Variants in SH3RF3 observed in about 807,000 individuals in gnomAD.
The protein encoded by SH3RF3 is SH3 domain containing ring finger 3.
In SH3RF3, 29 loss-of-function variants were observed where a neutral mutation model predicts 66.3. The ratio of observed to expected loss-of-function variants is 0.44; its 90% CI spans 0.33 to 0.60. The LOEUF is 0.60. SH3RF3 is among the 20% of genes least tolerant of loss of function. The pLI is 0.04. For missense variants in SH3RF3, 1,194 were observed against 1,190.9 expected (o/e 1.00, Z -0.04); for synonymous variants, 583 against 532.0 (o/e 1.10, Z -1.32).
At chr2:109,362,424 G>C (rs936624834) in intron 2 of SH3RF3, among the ~76,000 whole-genome samples, 1 of 152,144 alleles carries the variant, frequency 6.6e-6, no homozygotes, top group South Asian at 2.1e-4. Flanking sequence ...TGGCCTGAGA[G>C]TAGACATTGT....
At chr2:109,468,856 A>G (rs947144807) in intron 8 of SH3RF3, among the ~76,000 whole-genome samples, 4 of 101,274 alleles carry the variant, frequency 3.9e-5, no homozygotes, top group Admixed American at 8.6e-5. Flanking sequence ...TCTGTCTCAG[A>G]AAAAAAAAAA....
chr2:109,181,298 A>T (rs1678068530), intron 1 of SH3RF3, among the ~76,000 whole-genome samples: 1 of 152,210 alleles, frequency 6.6e-6, no homozygotes, highest in African/African-American at 2.4e-5. Context: ...TTATGCTACC[A>T]TGGTACATTT....
At chr2:109,271,942 G>T (rs1191953764) in intron 1 of SH3RF3, among the ~76,000 whole-genome samples, 1 of 152,222 alleles carries the variant, frequency 6.6e-6, no homozygotes, top group African/African-American at 2.4e-5. Context: ...CCTCCTTTGT[G>T]TGTGTTCTTT....
chr2:109,453,320 G>T (rs1300223859), intron 8 of SH3RF3, among the ~76,000 whole-genome samples: 1 of 151,418 alleles, frequency 6.6e-6, no homozygotes, highest in African/African-American at 2.5e-5. Context: ...TTACACAGTA[G>T]AACTCAAATC....
chr2:109,392,809 A>C (rs950118365), intron 3 of SH3RF3, among the ~76,000 whole-genome samples: 1 of 151,840 alleles, frequency 6.6e-6, no homozygotes, highest in Non-Finnish European at 1.5e-5. Context: ...GCCACCACGC[A>C]CGGCCCCCTG....
intron 8 of SH3RF3, among the ~76,000 whole-genome samples, chr2:109,470,297 C>T (rs745808089): frequency 6.6e-6 from 1 of 152,162 alleles, no homozygotes; most frequent in African/African-American, 2.4e-5. Flanking sequence ...GCTCTAGCCA[C>T]ATGTGAAATC....
chr2:109,267,590 G>A (rs918730780), intron 1 of SH3RF3, among the ~76,000 whole-genome samples: 6 of 152,164 alleles, frequency 3.9e-5, no homozygotes, highest in Admixed American at 2.6e-4. Context: ...CCCGAGTGCC[G>A]GCTGTGATGG....
At chr2:109,454,794 G>A (rs908619929) in intron 8 of SH3RF3, among the ~76,000 whole-genome samples, 77 of 152,008 alleles carry the variant, frequency 5.1e-4, no homozygotes, top group Non-Finnish European at 6.3e-4. Context: ...AAAACATCTC[G>A]AAGCCTTAGG....
chr2:109,492,555 C>G (rs999392945), intron 9 of SH3RF3, among the ~76,000 whole-genome samples: 6 of 152,302 alleles, frequency 3.9e-5, no homozygotes, highest in Admixed American at 3.9e-4. Flanking sequence ...CTATGTTTCC[C>G]CAAGCGCTAC....
intron 1 of SH3RF3, among the ~76,000 whole-genome samples, chr2:109,217,635 T>C (rs1159284809): frequency 6.6e-6 from 1 of 152,248 alleles, no homozygotes; most frequent in African/African-American, 2.4e-5. Flanking sequence ...GAGAACAACC[T>C]GCCAGTGATG....
chr2:109,399,426 T>G (rs568367596), intron 4 of SH3RF3, among the ~76,000 whole-genome samples: 2 of 151,258 alleles, frequency 1.3e-5, no homozygotes, highest in East Asian at 3.9e-4. Context: ...ATACCTTCTA[T>G]TTCTAGACTC....
intron 5 of SH3RF3, among the ~76,000 whole-genome samples, chr2:109,425,679 T>C (rs1186585306): frequency 6.8e-6 from 1 of 146,682 alleles, no homozygotes; most frequent in Admixed American, 6.9e-5. Context: ...GTAAGTCCAT[T>C]GTCAAGACCT....
At chr2:109,201,132 T>TA (rs1003984109) in intron 1 of SH3RF3, among the ~76,000 whole-genome samples, 51 of 152,362 alleles carry the variant, frequency 3.3e-4, no homozygotes, top group African/African-American at 1.2e-3. Context: ...TTATATCAGG[T>TA]ACGGCTCTGG....
intron 1 of SH3RF3, among the ~76,000 whole-genome samples, chr2:109,236,775 G>C (rs1237275255): frequency 1.3e-5 from 2 of 152,246 alleles, no homozygotes; most frequent in East Asian, 3.9e-4. Context: ...TGAAGTGAGG[G>C]GTGAGCCTTC....
At chr2:109,312,858 C>G (rs1484229047) in intron 1 of SH3RF3, among the ~76,000 whole-genome samples, 1 of 152,168 alleles carries the variant, frequency 6.6e-6, no homozygotes, top group Non-Finnish European at 1.5e-5. Flanking sequence ...TGCTTGAACA[C>G]CTGTCTTAGA....
At chr2:109,304,679 C>G (rs150994361) in intron 1 of SH3RF3, among the ~76,000 whole-genome samples, 1 of 152,322 alleles carries the variant, frequency 6.6e-6, no homozygotes, top group Non-Finnish European at 1.5e-5. Flanking sequence ...TTTGATTTCT[C>G]CGTCTCACTA....
chr2:109,207,618 T>C (rs1265940566), intron 1 of SH3RF3, among the ~76,000 whole-genome samples: 1 of 152,212 alleles, frequency 6.6e-6, no homozygotes, highest in Non-Finnish European at 1.5e-5. Context: ...AATGGAGCCC[T>C]AAGATTGTTT....
At chr2:109,255,353 T>A (rs567428587) in intron 1 of SH3RF3, among the ~76,000 whole-genome samples, 1 of 152,264 alleles carries the variant, frequency 6.6e-6, no homozygotes, top group East Asian at 1.9e-4. Flanking sequence ...ATACAGAGCA[T>A]TGGAGAAGTG....
At chr2:109,415,776 T>C (rs1387970364) in intron 4 of SH3RF3, among the ~76,000 whole-genome samples, 1 of 152,198 alleles carries the variant, frequency 6.6e-6, no homozygotes, top group African/African-American at 2.4e-5. Flanking sequence ...CCTGGGCTCC[T>C]CTAGGCCCAC....
Sources: allele counts gnomAD v4.1 joint callset (sites outside exome capture counted in the v4.1 genomes callset), GRCh38; gene constraint gnomAD v4.1.1; transcripts MANE v1.5; gene names NCBI Gene and HGNC (gene_info 2026-07-23, HGNC 2026-07-21).